TULP4: variants seen among roughly 807,000 people sequenced by gnomAD.
TULP4 encodes tubby-related protein 4.
In TULP4, 16 loss-of-function variants were observed where a neutral mutation model predicts 129.0. The ratio of observed to expected loss-of-function variants is 0.12; its 90% confidence interval spans 0.08 to 0.19. TULP4 has a LOEUF of 0.19. Ranked by LOEUF, TULP4 falls within the 10% of genes least tolerant of loss-of-function variation. The probability of loss-of-function intolerance (pLI) is 1.00; values close to 1 mark genes in which losing one functional copy is unlikely to be tolerated. For synonymous variants in TULP4, 998 were observed against 854.0 expected (o/e 1.17, Z -2.94); for missense variants, 1,842 against 2,059.1 (o/e 0.89, Z 2.04).
In TULP4 at chr6:158,461,722, T is replaced by C; in HGVS notation, c.1019T>C (p.Leu340Pro). The C allele has an allele frequency of 6.2e-7, 1 of 1,614,062 alleles. No homozygotes were observed. The highest frequency in any genetic ancestry group is 8.5e-7 in the Non-Finnish European group (1 of 1,179,952). Residue 340 changes from leucine to proline, a missense_variant, in exon 6 of 14, where the codon CTC (leucine) becomes CCC (proline). Physicochemically the swap from Leu to Pro is moderately conservative, Grantham distance 98 (BLOSUM62 -3). Transcript: ENST00000367097. ...RGEHIFTLDT[L>P]VQRPIISICW... Reference sequence around the variant, plus strand: ...GAGCACATCTTCACACTGGACACTCTCGTGCAGGTAAGGATGTTCTCTGGA... The same window carrying C: ...GAGCACATCTTCACACTGGACACTCCCGTGCAGGTAAGGATGTTCTCTGGA...
At chr6:158,405,227 T>TG (rs1466045226) in intron 1 of TULP4, among the ~76,000 whole-genome samples, 2 of 152,214 alleles carry the variant, frequency 1.3e-5, no homozygotes, top group African/African-American at 4.8e-5. Flanking sequence ...ATGGTCATTG[T>TG]GGGAAAATCA....
intron 1 of TULP4, chr6:158,242,453 G>A (rs1777942127): frequency 1.0e-6 from 1 of 999,804 alleles, no homozygotes; most frequent in African/African-American, 1.6e-5. Context: ...ATTCATCATA[G>A]TGTTCCAAAC....
At chr6:158,439,861 G>A (rs910069128) in intron 3 of TULP4, among the ~76,000 whole-genome samples, 1 of 151,160 alleles carries the variant, frequency 6.6e-6, no homozygotes, top group African/African-American at 2.4e-5. Flanking sequence ...ACAGGCGCCC[G>A]CCACCATGCC....
intron 1 of TULP4, chr6:158,237,287 A>C (rs1268917845): frequency 7.5e-7 from 1 of 1,324,656 alleles, no homozygotes; most frequent in African/African-American, 1.4e-5. Context: ...TTATATTCCT[A>C]ATGTTACCGA....
intron 1 of TULP4, among the ~76,000 whole-genome samples, chr6:158,276,117 G>A (rs913575944): frequency 3.9e-5 from 6 of 151,966 alleles, no homozygotes; most frequent in East Asian, 1.9e-4. Context: ...TTACAGGTGC[G>A]CGCCACCATG....
intron 1 of TULP4, among the ~76,000 whole-genome samples, chr6:158,354,991 C>T (rs549380019): frequency 4.0e-5 from 6 of 151,610 alleles, no homozygotes; most frequent in South Asian, 4.2e-4. Flanking sequence ...CAGTTGTGTA[C>T]GTGGTGTGAG....
intron 1 of TULP4, among the ~76,000 whole-genome samples, chr6:158,325,302 C>T (rs1044406606): frequency 6.6e-6 from 1 of 151,564 alleles, no homozygotes; most frequent in African/African-American, 2.4e-5. Context: ...ATGAGCCTAA[C>T]TCTTAATTGT....
At chr6:158,489,499 C>G (rs1780147260) in intron 8 of TULP4, 89 bp from the exon 9 acceptor site, 1 of 1,504,944 alleles carries the variant, frequency 6.6e-7, no homozygotes, top group Non-Finnish European at 9.1e-7. Context: ...CCTGTGGAGT[C>G]CGTCTGTCTT....
At chr6:158,407,474 AGAAT>A (rs1255197314) in intron 1 of TULP4, among the ~76,000 whole-genome samples, 1 of 152,230 alleles carries the variant, frequency 6.6e-6, no homozygotes, top group Non-Finnish European at 1.5e-5. Context: ...AGTTGAACAT[AGAAT>A]TATCATTTGA....
At chr6:158,498,869 AG>A (rs1319941801) in intron 12 of TULP4, 57 bp downstream of exon 12, 1 of 1,596,520 alleles carries the variant, frequency 6.3e-7, no homozygotes, top group African/African-American at 1.3e-5. Flanking sequence ...AGATCATGCA[AG>A]GGGGACAGAG....
chr6:158,391,056 C>T (rs1370561769), intron 1 of TULP4, among the ~76,000 whole-genome samples: 1 of 151,988 alleles, frequency 6.6e-6, no homozygotes, highest in Non-Finnish European at 1.5e-5. Flanking sequence ...GCCTGGGCAA[C>T]AGAGTGAGAC....
At chr6:158,460,588 G>A (rs1195880071) in intron 5 of TULP4, among the ~76,000 whole-genome samples, 7 of 152,194 alleles carry the variant, frequency 4.6e-5, no homozygotes, top group African/African-American at 1.2e-4. Context: ...GTAGTTTGTA[G>A]GTGGGCATCG....
intron 1 of TULP4, among the ~76,000 whole-genome samples, chr6:158,287,682 A>G (rs938634850): frequency 1.4e-4 from 21 of 152,258 alleles, no homozygotes; most frequent in African/African-American, 4.8e-4. Context: ...TCGAAGCTGC[A>G]TCATGAAAGA....
chr6:158,482,561 C>G (rs1186527488), intron 8 of TULP4, among the ~76,000 whole-genome samples: 3 of 152,056 alleles, frequency 2.0e-5, no homozygotes, highest in Admixed American at 2.0e-4. Flanking sequence ...GTGGGAAAAG[C>G]AGGAGAGAGA....
At chr6:158,299,886 A>G (rs997520383) in intron 1 of TULP4, among the ~76,000 whole-genome samples, 1 of 152,176 alleles carries the variant, frequency 6.6e-6, no homozygotes, top group Non-Finnish European at 1.5e-5. Context: ...AACCTATTAT[A>G]AGCGAGATCC....
At chr6:158,477,898 C>T (rs918882373) in intron 6 of TULP4, among the ~76,000 whole-genome samples, 3 of 152,136 alleles carry the variant, frequency 2.0e-5, no homozygotes, top group African/African-American at 7.2e-5. Context: ...AAATGTGATA[C>T]ATAAACACCA....
At chr6:158,367,364 T>C (rs1776941811) in intron 1 of TULP4, among the ~76,000 whole-genome samples, 1 of 152,240 alleles carries the variant, frequency 6.6e-6, no homozygotes, top group East Asian at 1.9e-4. Flanking sequence ...TACAAGCTTC[T>C]AAAGTCTCTT....
At chr6:158,367,202 G>C (rs576723757) in intron 1 of TULP4, among the ~76,000 whole-genome samples, 1 of 152,266 alleles carries the variant, frequency 6.6e-6, no homozygotes, top group Non-Finnish European at 1.5e-5. Flanking sequence ...GATGCTCCCG[G>C]AAACAGCTTC....
chr6:158,343,550 G>A (rs554647293), intron 1 of TULP4, among the ~76,000 whole-genome samples: 24 of 152,072 alleles, frequency 1.6e-4, no homozygotes, highest in South Asian at 1.2e-3. Flanking sequence ...TAGAGAGCTC[G>A]CACCCTCTTT....
Sources: gnomAD v4.1 joint callset for allele counts (sites outside exome capture counted in the v4.1 genomes callset) on GRCh38, gnomAD v4.1.1 for gene constraint, MANE v1.5 for transcripts, NCBI Gene and HGNC (gene_info 2026-07-23, HGNC 2026-07-21) for gene names.